The following ELP6 variants were observed in gnomAD, a reference collection of about 807,000 sequenced individuals.
ELP6 encodes elongator acetyltransferase complex subunit 6.
In ELP6, 23 loss-of-function variants were observed where a neutral mutation model predicts 28.1. That is an observed-to-expected ratio of 0.82 (90% CI 0.59 to 1.16). The LOEUF (loss-of-function observed/expected upper bound fraction) is 1.16. Among genes scored for constraint, ELP6 ranks in the 50% most tolerant of loss-of-function variants. ELP6 has a pLI of 0.00. For missense variants in ELP6, 313 were observed against 334.6 expected (o/e 0.94, Z 0.50); for synonymous variants, 132 against 135.8 (o/e 0.97, Z 0.19).
intron 2 of ELP6, 100 bp downstream of exon 2, chr3:47,511,047 TG>T: frequency 1.0e-6 from 1 of 994,772 alleles, no homozygotes; most frequent in Non-Finnish European, 1.5e-6. Flanking sequence ...CACCAAGGCT[TG>T]GCTTGTAAAT....
At chr3:47,513,455 G>A in intron 1 of ELP6, 82 bp downstream of exon 1, 1 of 1,571,138 alleles carries the variant, frequency 6.4e-7, no homozygotes, top group Non-Finnish European at 8.6e-7. Context: ...CCATTCCCCG[G>A]GGTCGTGCGC....
chr3:47,506,808 AG>A (rs1708851628), intron 3 of ELP6, among the ~76,000 whole-genome samples: 1 of 152,240 alleles, frequency 6.6e-6, no homozygotes, highest in Admixed American at 6.5e-5. Context: ...TAAGAGATTA[AG>A]TAAAGACAGG....
intron 4 of ELP6, among the ~76,000 whole-genome samples, chr3:47,502,927 C>A (rs1159260679): frequency 6.6e-6 from 1 of 152,178 alleles, no homozygotes; most frequent in African/African-American, 2.4e-5. Flanking sequence ...GTATACGTAA[C>A]AGATTTGACC....
chr3:47,508,707 C>T (rs1419864772), intron 3 of ELP6, among the ~76,000 whole-genome samples: 1 of 149,150 alleles, frequency 6.7e-6, no homozygotes, highest in South Asian at 2.1e-4. Flanking sequence ...ACTTGATTTG[C>T]TTATATCTTG....
rs1157848618 is a variant in ELP6, at chr3:47,505,582, T to C, written c.205-1134A>G. On this transcript the variant is annotated intron_variant, in intron 3 of 6. Transcript: ENST00000296149. The stretch of plus-strand genomic sequence containing the variant: ...ACCAGGCTAATATTTATTTATTTAT[T>C]TATTTAGAGATGGAGTTTCGCTCTT... 2.6e-5 allele frequency among the ~76,000 whole-genome samples: 4 copies of C among 152,036 alleles called. No homozygotes were observed. In the East Asian group the frequency reaches 7.7e-4, roughly 29 times the overall value.
intron 6 of ELP6, chr3:47,496,754 A>T: frequency 1.0e-6 from 1 of 980,990 alleles, no homozygotes; most frequent in African/African-American, 1.7e-5. Flanking sequence ...TCGGCCTCCC[A>T]AAGTGCTGGG....
intron 1 of ELP6, chr3:47,512,915 G>A (rs2029903973): frequency 1.0e-6 from 1 of 985,560 alleles, no homozygotes; most frequent in Non-Finnish European, 1.2e-6. Context: ...CCCCACCCCA[G>A]TGAACATGCA....
intron 5 of ELP6, among the ~76,000 whole-genome samples, chr3:47,499,518 CAAAA>C (rs36125510): frequency 5.9e-5 from 1 of 17,004 alleles, no homozygotes; most frequent in Non-Finnish European, 1.4e-4. Flanking sequence ...GAGTCCATCT[CAAAA>C]AAAAAAAAAA....
intron 1 of ELP6, chr3:47,512,189 A>G: frequency 2.7e-6 from 1 of 370,188 alleles, no homozygotes; most frequent in Non-Finnish European, 3.7e-6. Context: ...TTAGACACTT[A>G]GTATCCTGGT....
chr3:47,496,970 C>T, intron 6 of ELP6: 1 of 985,424 alleles, frequency 1.0e-6, no homozygotes, highest in Non-Finnish European at 1.2e-6. Flanking sequence ...CACAGCTGCC[C>T]AGCAGCACCT....
rs758154732 is a variant in ELP6, at chr3:47,513,595, A to G, written c.-5T>C. 1.9e-6 allele frequency: 3 copies of G among 1,613,252 alleles called. No homozygotes were observed. Among genetic ancestry groups the G allele is most frequent in the Admixed American group, 1.7e-5 (1 of 59,910 alleles). ...GTTATTAAGTTCCACGAACATTCCG[A>G]GCTCCTGGGACTAGCGCTCTGGAGG... On this transcript the variant is annotated 5_prime_UTR_variant, in exon 1 of 7. Transcript: ENST00000296149.
chr3:47,506,443 C>T (rs1282095707), intron 3 of ELP6, among the ~76,000 whole-genome samples: 1 of 152,172 alleles, frequency 6.6e-6, no homozygotes, highest in Non-Finnish European at 1.5e-5. Context: ...TTCATCCCTA[C>T]AGCCTCGACC....
Position 47,511,685 on chromosome 3 carries a change from A to G in ELP6, c.55-459T>C, listed in dbSNP as rs1055168078. On this transcript the variant is annotated intron_variant, in intron 1 of 6. Transcript: ENST00000296149. ...AATTCTATTCTGTAGGGTGAGGGAG[A>G]AGGGAGGAAGAAGCAGTTGCTGATA... 3 of 626,634 alleles carry G rather than the reference A, an allele frequency of 4.8e-6. No individual in the cohort carries two copies. In the African/African-American group the frequency reaches 6.0e-5, roughly 13 times the overall value. The allele number at this position is 626,634 out of a possible 1,614,324, so 38.8% of individuals were successfully genotyped here.
At position 47,504,396 on chromosome 3, in the gene ELP6, C is replaced by G; in HGVS notation, c.257G>C (p.Gly86Ala). 6.2e-7 allele frequency: 1 copy of G among 1,609,910 alleles called. No homozygotes were observed. Among genetic ancestry groups the G allele is most frequent in the Non-Finnish European group, 8.5e-7 (1 of 1,177,822 alleles). Reference protein sequence around the residue: ...RERGQLVFLEGLKSAVDVVFQ... With the variant: ...RERGQLVFLEALKSAVDVVFQ... ...GACGACGTCCACTGCAGACTTGAGT[C>G]CCTCAAGGAACACAAGCTGCCCACG... Residue 86 changes from glycine to alanine, a missense_variant, in exon 4 of 7, where the codon GGA becomes GCA. Physicochemically the swap from Gly to Ala is moderately conservative, Grantham distance 60. Transcript: ENST00000296149.
At position 47,511,211 on chromosome 3, in the gene ELP6, G is replaced by C. The variant is rs973256092; in HGVS notation, c.70C>G (p.Leu24Val). 2 of 1,613,980 alleles carry C rather than the reference G, an allele frequency of 1.2e-6. No homozygotes were observed. Among genetic ancestry groups the C allele is most frequent in the African/African-American group, 2.7e-5 (2 of 74,916 alleles). The change falls in exon 2 of 7, where the codon CTC becomes GTC. Residue 24 changes from leucine (L) to valine (V), a missense_variant. Physicochemically the swap from Leu to Val is conservative, Grantham distance 32 (BLOSUM62 1). Transcript: ENST00000296149. ...DRAEQGKLTL[L>V]CDAKTDGSFL... ...CTCCCATCTGTCTTGGCATCACAGA[G>C]TAGAGTCAGTTTCCCCTAAAAGTTA...
At position 47,504,374 on chromosome 3, in the gene ELP6, G is replaced by C; in HGVS notation, c.279C>G (p.Val93=). Residue 93 remains valine (V), a synonymous_variant, in exon 4 of 7, where the codon GTC becomes GTG. Coordinates refer to ENST00000296149, the MANE Select transcript of ELP6 (RefSeq NM_001031703.3). ...FLEGLKSAVD[V]VFQAQKEPHP... The stretch of plus-strand genomic sequence containing the variant: ...GTGGCTCCTTTTGAGCCTGGAAGAC[G>C]ACGTCCACTGCAGACTTGAGTCCCT... 6.2e-7 allele frequency: 1 copy of C among 1,610,468 alleles called. No individual in the cohort carries two copies. The highest frequency in any genetic ancestry group is 8.5e-7 in the Non-Finnish European group (1 of 1,178,062).
chr3:47,504,627 T>A (rs962929275), intron 3 of ELP6, 179 bp from the exon 4 acceptor site: 21 of 985,204 alleles, frequency 2.1e-5, no homozygotes, highest in Non-Finnish European at 2.3e-5. Context: ...GCCCCAACTG[T>A]TTTCAGATGT....
At chr3:47,513,324 C>A in intron 1 of ELP6, 1 of 1,386,530 alleles carries the variant, frequency 7.2e-7, no homozygotes, top group Non-Finnish European at 9.3e-7. Context: ...CACGCACAGC[C>A]GTTGAGAATA....
intron 4 of ELP6, 133 bp downstream of exon 4, chr3:47,504,197 C>A (rs997025637): frequency 9.0e-7 from 1 of 1,106,324 alleles, no homozygotes; most frequent in Admixed American, 2.7e-5. Context: ...GCTGCAACAC[C>A]AGATGAAGTG....
Sources: allele counts gnomAD v4.1 joint callset (sites outside exome capture counted in the v4.1 genomes callset), GRCh38; gene constraint gnomAD v4.1.1; transcripts MANE v1.5; gene names NCBI Gene and HGNC (gene_info 2026-07-23, HGNC 2026-07-21).